PI4KA: variants seen among roughly 807,000 people sequenced by gnomAD.
PI4KA encodes the protein PI4-kinase alpha.
A neutral mutation model predicts 271.4 loss-of-function variants in PI4KA; 122 were observed. The ratio of observed to expected loss-of-function variants is 0.45; its 90% confidence interval spans 0.39 to 0.52. The LOEUF is 0.52. Ranked by LOEUF, PI4KA falls within the 20% of genes least tolerant of loss-of-function variation. PI4KA has a pLI of 0.00. For synonymous variants in PI4KA, 1,041 were observed against 1,078.8 expected (o/e 0.96, Z 0.69); for missense variants, 1,969 against 2,769.1 (o/e 0.71, Z 6.48).
intron 1 of PI4KA, 94 bp downstream of exon 1, chr22:20,858,475 CA>C (rs1046622303): frequency 7.4e-6 from 7 of 944,320 alleles, no homozygotes; most frequent in African/African-American, 1.7e-5. Context: ...CCGGCGAGCC[CA>C]GCCTCGGCCT....
chr22:20,727,090 C>T (rs1460656604), intron 41 of PI4KA, 140 bp downstream of exon 41: 1 of 659,888 alleles, frequency 1.5e-6, no homozygotes, highest in African/African-American at 1.9e-5. Flanking sequence ...TCTTCTACAA[C>T]TACTTGAGCA....
At chr22:20,772,909 G>C (rs940664925) in intron 19 of PI4KA, among the ~76,000 whole-genome samples, 2 of 152,156 alleles carry the variant, frequency 1.3e-5, no homozygotes, top group Non-Finnish European at 1.5e-5. Context: ...AGGCAACATA[G>C]TGAGACCCTG....
intron 15 of PI4KA, among the ~76,000 whole-genome samples, 164 bp downstream of exon 15, chr22:20,799,507 T>C (rs554700496): frequency 6.6e-6 from 1 of 152,252 alleles, no homozygotes; most frequent in East Asian, 1.9e-4. Flanking sequence ...GGAAGTACAA[T>C]CCAAGGTGGG....
intron 4 of PI4KA, among the ~76,000 whole-genome samples, chr22:20,823,843 AGGAG>A (rs1923027887): frequency 1.3e-5 from 2 of 152,164 alleles, no homozygotes; most frequent in African/African-American, 4.8e-5. Flanking sequence ...TGGGAGTCTT[AGGAG>A]GGAGGCTGGC....
chr22:20,742,956 G>C (rs1404959439), intron 30 of PI4KA, 192 bp from the exon 31 acceptor site: 9 of 574,810 alleles, frequency 1.6e-5, no homozygotes, highest in Non-Finnish European at 2.5e-5. Flanking sequence ...TTTTTTTAAA[G>C]AACAGCTCCT....
intron 1 of PI4KA, among the ~76,000 whole-genome samples, chr22:20,853,272 C>T (rs949900381): frequency 2.0e-5 from 3 of 152,070 alleles, no homozygotes; most frequent in African/African-American, 7.2e-5. Flanking sequence ...ATCCCAGGAT[C>T]GAGGGCCCAC....
rs190900232 is a variant in PI4KA at position 20,784,600 on chromosome 22, C to T, written c.2328+8593G>A. Among the ~76,000 whole-genome samples the T allele has an allele frequency of 7.7e-4, 118 of 152,260 alleles. 3 individuals carry two copies. Among genetic ancestry groups the T allele is most frequent in the South Asian group, 7.1e-3 (34 of 4,814 alleles). On this transcript the variant is annotated intron_variant, in intron 19 of 54. Coordinates refer to ENST00000255882, the MANE Select transcript of PI4KA (RefSeq NM_058004.4). Reference sequence around the variant, plus strand: ...TCACTTGAGAAAATAACAGAATCAGCGATGCTGAGCGCCCCTCCCAGTACT... The same window carrying T: ...TCACTTGAGAAAATAACAGAATCAGTGATGCTGAGCGCCCCTCCCAGTACT...
chr22:20,802,637 G>A (rs770492429), intron 13 of PI4KA, among the ~76,000 whole-genome samples: 3 of 152,210 alleles, frequency 2.0e-5, no homozygotes, highest in Non-Finnish European at 2.9e-5. Context: ...CTGGGCTCAA[G>A]CCATCCTACA....
intron 1 of PI4KA, among the ~76,000 whole-genome samples, chr22:20,838,941 G>A (rs1052131778): frequency 6.6e-6 from 1 of 152,176 alleles, no homozygotes; most frequent in African/African-American, 2.4e-5. Context: ...AATAGGCCAG[G>A]TGCAGTGGCT....
In PI4KA at chr22:20,798,696, G is replaced by C. The variant is rs1935121350; in HGVS notation, c.2005-9C>G. ...TCCTGATAGATGTATTGCTGGGAGA[G>C]AGCAAGATGCACTGTCACCATGCAG... On this transcript the variant is annotated splice_polypyrimidine_tract_variant and intron_variant, in intron 16 of 54. Transcript: ENST00000255882. 3.2e-6 allele frequency: 5 copies of C among 1,578,008 alleles called. No individual in the cohort carries two copies. In the South Asian group the frequency reaches 3.3e-5, roughly 10 times the overall value.
At chr22:20,760,833 G>A (rs925032372) in intron 23 of PI4KA, among the ~76,000 whole-genome samples, 3 of 152,164 alleles carry the variant, frequency 2.0e-5, no homozygotes, top group Non-Finnish European at 4.4e-5. Flanking sequence ...AGGGTCTGAC[G>A]ACAAGTTGCA....
intron 20 of PI4KA, 40 bp from the exon 21 acceptor site, chr22:20,765,276 C>T (rs199725282): frequency 4.2e-4 from 655 of 1,566,772 alleles, no homozygotes; most frequent in African/African-American, 8.5e-4. Flanking sequence ...TCACCTTGGT[C>T]GGAAAGCACT....
rs1932364532 is a variant in PI4KA at position 20,764,855 on chromosome 22, G to A, written c.2670C>T (p.Ser890=). ...GCCGGTACACAGAGAGGAGGTAGGT[G>A]GACATGGCGAAGTCCAGCTTGTTGA... ...ALINKLDFAM[S]TYLLSVYRLE... is the part of the protein sequence containing the mutation. Residue 890 remains serine, a synonymous_variant, in exon 22 of 55, where the codon TCC becomes TCT. Transcript: ENST00000255882. 1 of 1,613,654 alleles carries A rather than the reference G, an allele frequency of 6.2e-7. No homozygotes were observed. Among genetic ancestry groups the A allele is most frequent in the African/African-American group, 1.3e-5 (1 of 75,038 alleles).
At chr22:20,846,370 T>C (rs985189564) in intron 1 of PI4KA, among the ~76,000 whole-genome samples, 1 of 151,046 alleles carries the variant, frequency 6.6e-6, no homozygotes, top group Admixed American at 6.6e-5. Flanking sequence ...TTTTATGTTA[T>C]ATGAACTTTA....
In PI4KA at chr22:20,712,979, G is replaced by C; in HGVS notation, c.5572-182C>G. ...CCGGGGGCTGGACTCAGGCTGCTGGGACCACCAGGCCCTGGGCTGAGCATG... is the reference window on the plus strand; with the variant it reads ...CCGGGGGCTGGACTCAGGCTGCTGGCACCACCAGGCCCTGGGCTGAGCATG... On this transcript the variant is annotated intron_variant, in intron 48 of 54. Coordinates refer to ENST00000255882, the MANE Select transcript of PI4KA (RefSeq NM_058004.4). The C allele has an allele frequency of 7.8e-6, 5 of 638,500 alleles. No homozygotes were observed. In the South Asian group the frequency reaches 9.7e-5, roughly 12 times the overall value. The allele number at this position is 638,500 out of a possible 1,614,324, so 39.6% of individuals were successfully genotyped here.
chr22:20,787,066 G>C (rs764700693), intron 19 of PI4KA: 3 of 1,614,060 alleles, frequency 1.9e-6, no homozygotes, highest in Non-Finnish European at 2.5e-6. Context: ...GCAGGTCCTA[G>C]AGGTGGAGGT....
chr22:20,720,256 G>C (rs965922479), intron 43 of PI4KA, among the ~76,000 whole-genome samples: 4 of 152,142 alleles, frequency 2.6e-5, no homozygotes, highest in African/African-American at 7.2e-5. Context: ...TTACTGCCAA[G>C]TTTAAGATGC....
At chr22:20,755,827 AAG>A (rs975595403) in intron 23 of PI4KA, among the ~76,000 whole-genome samples, 1 of 152,010 alleles carries the variant, frequency 6.6e-6, no homozygotes, top group African/African-American at 2.4e-5. Context: ...AGAAAAGAAA[AAG>A]AAAAAAAGCA....
chr22:20,838,778 C>T, intron 1 of PI4KA, 47 bp from the exon 2 acceptor site: 1 of 1,131,418 alleles, frequency 8.8e-7, no homozygotes, highest in Non-Finnish European at 1.3e-6. Flanking sequence ...AATAGAAAAC[C>T]ACATTCAAAA....
Sources: allele counts gnomAD v4.1 joint callset (sites outside exome capture counted in the v4.1 genomes callset), GRCh38; gene constraint gnomAD v4.1.1; transcripts MANE v1.5; gene names NCBI Gene and HGNC (gene_info 2026-07-23, HGNC 2026-07-21).